JAZF1: variants seen among roughly 807,000 people sequenced by gnomAD.
JAZF1 encodes the protein juxtaposed with another zinc finger protein 1.
Under a neutral mutation model 26.4 loss-of-function variants are expected in JAZF1, and 8 were observed. The ratio of observed to expected loss-of-function variants is 0.30; its 90% confidence interval spans 0.18 to 0.55. The LOEUF is 0.55. Among genes scored for constraint, JAZF1 ranks in the 20% least tolerant of loss-of-function variants. JAZF1 has a pLI of 0.94. For synonymous variants in JAZF1, 126 were observed against 122.3 expected (o/e 1.03, Z -0.20); for missense variants, 199 against 322.0 (o/e 0.62, Z 2.92).
At chr7:27,975,236 G>C (rs1225648816) in intron 2 of JAZF1, among the ~76,000 whole-genome samples, 1 of 151,934 alleles carries the variant, frequency 6.6e-6, no homozygotes, top group East Asian at 1.9e-4. Context: ...TGTGTCACAT[G>C]TTAAGGGCAG....
chr7:27,849,772 C>CACACATAT (rs140580370), intron 3 of JAZF1, among the ~76,000 whole-genome samples: 2 of 147,014 alleles, frequency 1.4e-5, no homozygotes, highest in African/African-American at 5.2e-5. Flanking sequence ...CACACACACA[C>CACACATAT]ACCCCTACAC....
intron 3 of JAZF1, among the ~76,000 whole-genome samples, chr7:27,884,512 G>C (rs1001792169): frequency 3.5e-5 from 5 of 144,392 alleles, no homozygotes; most frequent in African/African-American, 5.9e-5. Context: ...CATCACTCAA[G>C]AAAGTTCCCT....
intron 1 of JAZF1, among the ~76,000 whole-genome samples, chr7:28,158,186 C>CAGAGAGAGAGAGAGAGAGGG (rs1554292396): frequency 7.0e-6 from 1 of 143,346 alleles, no homozygotes; most frequent in Non-Finnish European, 1.5e-5. Context: ...CACACACACA[C>CAGAGAGAGAGAGAGAGAGGG]AGAGAGAGAG....
intron 2 of JAZF1, among the ~76,000 whole-genome samples, chr7:27,958,909 G>A (rs1234622116): frequency 1.3e-5 from 2 of 152,164 alleles, no homozygotes; most frequent in African/African-American, 2.4e-5. Flanking sequence ...AGAAATTAGA[G>A]TAGTACTAAT....
At chr7:28,098,455 A>C (rs1392597104) in intron 1 of JAZF1, among the ~76,000 whole-genome samples, 4 of 152,206 alleles carry the variant, frequency 2.6e-5, no homozygotes, top group Middle Eastern at 6.8e-3. Flanking sequence ...TGCCTTTAGC[A>C]CTTAGCCAAG....
At chr7:28,061,390 T>C (rs1036226390) in intron 1 of JAZF1, among the ~76,000 whole-genome samples, 2 of 152,216 alleles carry the variant, frequency 1.3e-5, no homozygotes, top group Admixed American at 6.5e-5. Flanking sequence ...GAAACCTCTG[T>C]TTAAGAAAGT....
At chr7:27,884,176 G>A (rs1183698035) in intron 3 of JAZF1, among the ~76,000 whole-genome samples, 1 of 152,120 alleles carries the variant, frequency 6.6e-6, no homozygotes, top group African/African-American at 2.4e-5. Context: ...TTCTGAGACA[G>A]GGTCTCACTC....
Position 28,086,418 on chromosome 7 carries a change from C to T in JAZF1, c.115+94045G>A, listed in dbSNP as rs1481122631. On this transcript the variant is annotated intron_variant, in intron 1 of 4. Transcript: ENST00000283928. The stretch of plus-strand genomic sequence containing the variant: ...GTTTTCAGCTGTTGTGTGTTCTAAC[C>T]ATTACTGATAAACCCCTTTAATATT... 2.6e-5 allele frequency among the ~76,000 whole-genome samples: 4 copies of T among 152,276 alleles called. No homozygotes were observed. In the East Asian group the frequency reaches 5.8e-4, roughly 22 times the overall value.
At chr7:28,010,880 GTC>G (rs893953821) in intron 1 of JAZF1, among the ~76,000 whole-genome samples, 5 of 152,230 alleles carry the variant, frequency 3.3e-5, no homozygotes, top group African/African-American at 1.2e-4. Context: ...TAACAAGAGT[GTC>G]TACAGAGCTT....
intron 4 of JAZF1, among the ~76,000 whole-genome samples, chr7:27,839,324 C>T (rs1004671706): frequency 1.2e-4 from 18 of 152,194 alleles, no homozygotes; most frequent in Admixed American, 1.0e-3. Context: ...GGGGGAGACG[C>T]GGTGGGAACC....
chr7:28,083,526 C>A (rs1250920558), intron 1 of JAZF1, among the ~76,000 whole-genome samples: 1 of 152,098 alleles, frequency 6.6e-6, no homozygotes, highest in African/African-American at 2.4e-5. Flanking sequence ...AGGCTGTTTG[C>A]AAAGCTGTAA....
intron 3 of JAZF1, among the ~76,000 whole-genome samples, chr7:27,870,760 C>A (rs749643485): frequency 1.4e-4 from 22 of 152,148 alleles, no homozygotes; most frequent in Non-Finnish European, 2.6e-4. Flanking sequence ...CCAGCATTTG[C>A]AAGCCAGGTG....
chr7:27,898,355 C>T (rs1451452151), intron 2 of JAZF1, among the ~76,000 whole-genome samples: 1 of 142,438 alleles, frequency 7.0e-6, no homozygotes, highest in Non-Finnish European at 1.5e-5. Flanking sequence ...CACTGTTGCC[C>T]AGGCTGGAGT....
intron 3 of JAZF1, among the ~76,000 whole-genome samples, chr7:27,857,826 C>T (rs1296381234): frequency 6.6e-6 from 1 of 152,144 alleles, no homozygotes; most frequent in African/African-American, 2.4e-5. Context: ...CCTTTGAAAA[C>T]AGGCACAAAA....
intron 1 of JAZF1, among the ~76,000 whole-genome samples, chr7:28,082,322 G>A (rs1246789256): frequency 6.6e-6 from 1 of 152,086 alleles, no homozygotes; most frequent in African/African-American, 2.4e-5. Context: ...ATTTCACTGG[G>A]CTGAGGAGTG....
rs1476200617 is a variant in JAZF1, at chr7:28,066,759, A to AC, written c.116-74779dup. On this transcript the variant is annotated intron_variant, in intron 1 of 4. Transcript: ENST00000283928. ...AAGCTCACGGTTACCACCTAATGGC[A>AC]CCTTCCAGAGGGTGGCTGCTGCTGT... Among the ~76,000 whole-genome samples, 5 of 152,174 alleles carry AC rather than the reference A, an allele frequency of 3.3e-5. No homozygotes were observed. The East Asian group carries it at 9.6e-4, about 29-fold the overall frequency.
intron 2 of JAZF1, among the ~76,000 whole-genome samples, chr7:27,942,058 G>A (rs144583588): frequency 3.3e-5 from 5 of 152,338 alleles, no homozygotes; most frequent in African/African-American, 1.2e-4. Context: ...CTGGGGGCTG[G>A]GTGAGTGAGG....
At position 28,018,513 on chromosome 7, in the gene JAZF1, G is replaced by A. The variant is rs77373942; in HGVS notation, c.116-26532C>T. On this transcript the variant is annotated intron_variant, in intron 1 of 4. Coordinates refer to ENST00000283928, the MANE Select transcript of JAZF1 (RefSeq NM_175061.4). ...CCAGGGACAGTGCCACTTTATACCC[G>A]TTGTCCTAGCATCATTATTAACAGC... Among the ~76,000 whole-genome samples the A allele has an allele frequency of 3.2e-3, 491 of 152,244 alleles. 6 individuals are homozygous for A. Among genetic ancestry groups the A allele is most frequent in the African/African-American group, 0.011 (472 of 41,522 alleles).
intron 1 of JAZF1, among the ~76,000 whole-genome samples, chr7:28,026,195 G>A (rs917349801): frequency 6.6e-6 from 1 of 152,152 alleles, no homozygotes; most frequent in South Asian, 2.1e-4. Context: ...ATAGCAACAA[G>A]TGACTTCTAA....
Sources: allele counts gnomAD v4.1 joint callset (sites outside exome capture counted in the v4.1 genomes callset), GRCh38; gene constraint gnomAD v4.1.1; transcripts MANE v1.5; gene names NCBI Gene and HGNC (gene_info 2026-07-23, HGNC 2026-07-21).